The following TBC1D14 variants were observed in gnomAD, a reference collection of about 807,000 sequenced individuals.
TBC1D14 encodes the protein TBC1 domain family, member 14.
In TBC1D14, 26 loss-of-function variants were observed where a neutral mutation model predicts 79.0. That is an observed-to-expected ratio of 0.33 (90% CI 0.24 to 0.46). The LOEUF (loss-of-function observed/expected upper bound fraction) is 0.46. Ranked by LOEUF, TBC1D14 falls within the 20% of genes least tolerant of loss-of-function variation. The pLI, the probability that TBC1D14 is intolerant of heterozygous loss-of-function variation, is 1.00. For synonymous variants in TBC1D14, 394 were observed against 349.9 expected (o/e 1.13, Z -1.40); for missense variants, 769 against 887.6 (o/e 0.87, Z 1.70).
At chr4:7,015,783 G>A (rs138523092) in intron 12 of TBC1D14, among the ~76,000 whole-genome samples, 111 of 152,278 alleles carry the variant, frequency 7.3e-4, no homozygotes, top group East Asian at 9.7e-4. Context: ...TGTGAAGCCC[G>A]GCTGAGCTCC....
intron 2 of TBC1D14, among the ~76,000 whole-genome samples, chr4:6,936,573 T>C (rs957974429): frequency 7.2e-5 from 11 of 152,266 alleles, no homozygotes; most frequent in Non-Finnish European, 1.5e-4. Context: ...CAATTATGAA[T>C]GAAACTGCCA....
At chr4:6,959,174 C>T (rs891120329) in intron 2 of TBC1D14, among the ~76,000 whole-genome samples, 6 of 152,048 alleles carry the variant, frequency 3.9e-5, no homozygotes, top group Non-Finnish European at 8.8e-5. Flanking sequence ...CGTGAGCCAC[C>T]GCGCCCGGCC....
chr4:7,014,402 A>G, intron 11 of TBC1D14, 46 bp from the exon 12 acceptor site: 2 of 1,334,474 alleles, frequency 1.5e-6, no homozygotes, highest in Non-Finnish European at 1.1e-6. Flanking sequence ...GTAAATTGAA[A>G]ACTTGTGCAG....
At chr4:6,920,236 A>G (rs1723743108) in intron 1 of TBC1D14, among the ~76,000 whole-genome samples, 2 of 151,328 alleles carry the variant, frequency 1.3e-5, no homozygotes, top group South Asian at 2.1e-4. Context: ...GGCTCCTTCA[A>G]TCTCTGGGAA....
chr4:7,006,564 C>A (rs1395427827), intron 8 of TBC1D14, 68 bp from the exon 9 acceptor site: 3 of 1,446,116 alleles, frequency 2.1e-6, no homozygotes, highest in Non-Finnish European at 2.9e-6. Flanking sequence ...TGTAAAACTT[C>A]AAAGGCTCGT....
chr4:6,965,853 C>T lies in TBC1D14; in HGVS notation c.723-1451C>T, dbSNP rs535808973. ...CTTTGATCACTTGGCTGAGGTGTGT[C>T]CCTCAGGTTTCTCCGGCATAAGATT... On this transcript the variant is annotated intron_variant, in intron 2 of 13. Transcript: ENST00000409757. 1.8e-4 allele frequency among the ~76,000 whole-genome samples: 27 copies of T among 152,274 alleles called. 1 individual carries two copies. The South Asian group carries it at 5.2e-3, about 29-fold the overall frequency.
chr4:6,933,574 G>A (rs1712003686), intron 2 of TBC1D14, among the ~76,000 whole-genome samples: 1 of 151,742 alleles, frequency 6.6e-6, no homozygotes, highest in Non-Finnish European at 1.5e-5. Flanking sequence ...CCCAAGTGTT[G>A]GGATTGAGCC....
At chr4:6,996,528 C>T (rs1000069927) in intron 5 of TBC1D14, 121 bp downstream of exon 5, 14 of 699,990 alleles carry the variant, frequency 2.0e-5, no homozygotes, top group Middle Eastern at 2.6e-4. Context: ...AATTTGTAGT[C>T]TTCCAGTAAA....
At chr4:7,004,406 T>C (rs1560336638) in intron 7 of TBC1D14, among the ~76,000 whole-genome samples, 1 of 152,240 alleles carries the variant, frequency 6.6e-6, no homozygotes, top group Non-Finnish European at 1.5e-5. Flanking sequence ...ACCCAATGAT[T>C]CTCTGCTGGT....
Position 6,923,477 on chromosome 4 carries a change from C to T in TBC1D14, c.88C>T (p.Leu30=), listed in dbSNP as rs746956643. The change falls in exon 2 of 14, where the codon CTG becomes TTG. Residue 30 remains leucine, a synonymous_variant. Coordinates refer to ENST00000409757, the MANE Select transcript of TBC1D14 (RefSeq NM_020773.3). ...DGRPGNPLQN[L]QHVNLKAPRL... is the part of the protein sequence containing the mutation. ...TCGACCAGGAAACCCCCTTCAGAACCTGCAACACGTCAATCTCAAGGCGCC... is the reference window on the plus strand; with the variant it reads ...TCGACCAGGAAACCCCCTTCAGAACTTGCAACACGTCAATCTCAAGGCGCC... The T allele has an allele frequency of 1.2e-6, 2 of 1,614,106 alleles. No homozygotes were observed. The highest frequency in any genetic ancestry group is 2.7e-5 in the African/African-American group (2 of 74,944).
chr4:7,007,750 T>C (rs992252296), intron 9 of TBC1D14: 35 of 463,282 alleles, frequency 7.6e-5, no homozygotes, highest in Non-Finnish European at 1.3e-4. Flanking sequence ...TTTGCCCCAG[T>C]TCGTCTCCAT....
intron 8 of TBC1D14, 25 bp downstream of exon 8, chr4:7,004,949 G>T (rs747108712): frequency 2.5e-6 from 4 of 1,594,950 alleles, no homozygotes; most frequent in Non-Finnish European, 3.4e-6. Context: ...AAAACCAGCG[G>T]ACTGCTGTGG....
chr4:6,974,391 CTAGAAAG>C (rs1716524380), intron 3 of TBC1D14, among the ~76,000 whole-genome samples: 4 of 152,246 alleles, frequency 2.6e-5, no homozygotes, highest in Middle Eastern at 3.4e-3. Context: ...ACCCAGGAAA[CTAGAAAG>C]TACTGGGGGG....
At chr4:7,010,964 G>A (rs1720705666) in intron 11 of TBC1D14, among the ~76,000 whole-genome samples, 183 bp downstream of exon 11, 1 of 152,206 alleles carries the variant, frequency 6.6e-6, no homozygotes, top group African/African-American at 2.4e-5. Flanking sequence ...AGCTGAAAAA[G>A]ACACGGTTAG....
At chr4:6,975,573 A>G (rs1235504410) in intron 3 of TBC1D14, among the ~76,000 whole-genome samples, 1 of 152,246 alleles carries the variant, frequency 6.6e-6, no homozygotes, top group East Asian at 1.9e-4. Flanking sequence ...GAATTATTCA[A>G]TAGACTTTAA....
intron 2 of TBC1D14, among the ~76,000 whole-genome samples, chr4:6,950,517 T>G (rs944151813): frequency 2.0e-5 from 3 of 152,216 alleles, no homozygotes; most frequent in Non-Finnish European, 2.9e-5. Context: ...CATTATTTCC[T>G]CGTTAAGTGT....
intron 11 of TBC1D14, among the ~76,000 whole-genome samples, chr4:7,011,809 C>T (rs968594672): frequency 9.2e-5 from 14 of 151,730 alleles, no homozygotes; most frequent in South Asian, 8.4e-4. Flanking sequence ...CCACCTGCCT[C>T]GGCCTCCCAA....
intron 2 of TBC1D14, among the ~76,000 whole-genome samples, chr4:6,933,224 C>G (rs1316928507): frequency 7.2e-6 from 1 of 138,586 alleles, no homozygotes; most frequent in Non-Finnish European, 1.5e-5. Flanking sequence ...TTGTGTAAGG[C>G]TCATTGAGAA....
intron 10 of TBC1D14, 22 bp from the exon 11 acceptor site, chr4:7,010,631 G>T: frequency 6.2e-7 from 1 of 1,606,080 alleles, no homozygotes; most frequent in Non-Finnish European, 8.5e-7. Context: ...TGATTTTAAC[G>T]TGCCTTTCTC....
Sources: gnomAD v4.1 joint callset for allele counts (sites outside exome capture counted in the v4.1 genomes callset) on GRCh38, gnomAD v4.1.1 for gene constraint, MANE v1.5 for transcripts, NCBI Gene and HGNC (gene_info 2026-07-23, HGNC 2026-07-21) for gene names.